CLTCL1: variants seen among roughly 807,000 people sequenced by gnomAD.
CLTCL1 encodes the protein clathrin heavy chain like 1.
Under a neutral mutation model 190.0 loss-of-function variants are expected in CLTCL1, and 159 were observed. The ratio of observed to expected loss-of-function variants is 0.84; its 90% CI spans 0.74 to 0.95. The LOEUF (loss-of-function observed/expected upper bound fraction) is 0.95, where lower values mean the gene tolerates loss of function less well. CLTCL1 is among the 40% of genes least tolerant of loss of function. CLTCL1 has a pLI of 0.00. For missense variants in CLTCL1, 1,878 were observed against 2,033.4 expected, an observed-to-expected ratio of 0.92 and a Z score of 1.47; for synonymous variants, 752 against 769.6, an observed-to-expected ratio of 0.98 and a Z score of 0.38.
At chr22:19,257,827 A>T (rs1186770185) in intron 2 of CLTCL1, 1 of 1,429,336 alleles carries the variant, frequency 7.0e-7, no homozygotes, top group African/African-American at 1.4e-5. Flanking sequence ...AGGAGCCTGG[A>T]GACTGAGAAT....
intron 3 of CLTCL1, among the ~76,000 whole-genome samples, chr22:19,245,955 C>T (rs116675219): frequency 0.011 from 1,662 of 152,316 alleles, 29 homozygotes; most frequent in African/African-American, 0.037. Flanking sequence ...ATAAAAAATG[C>T]TATTACGAAT....
At chr22:19,212,520 C>T (rs2085258161) in intron 19 of CLTCL1, among the ~76,000 whole-genome samples, 1 of 149,464 alleles carries the variant, frequency 6.7e-6, no homozygotes, top group African/African-American at 2.5e-5. Context: ...GTGTTCATGC[C>T]ACAGCACTCC....
chr22:19,289,015 G>A (rs1458866765), intron 1 of CLTCL1, among the ~76,000 whole-genome samples: 4 of 152,188 alleles, frequency 2.6e-5, no homozygotes, highest in Admixed American at 6.5e-5. Flanking sequence ...ACGGAGTCTC[G>A]GTCTGTTACC....
chr22:19,272,757 C>A (rs1287818002), intron 2 of CLTCL1, among the ~76,000 whole-genome samples: 4 of 152,294 alleles, frequency 2.6e-5, no homozygotes, highest in Admixed American at 2.6e-4. Context: ...CAGGCGTGAG[C>A]CACCACGCCC....
intron 29 of CLTCL1, chr22:19,184,488 C>G (rs1357494134): frequency 2.2e-6 from 1 of 456,064 alleles, no homozygotes; most frequent in East Asian, 6.9e-5. Context: ...AGAAGTCTCC[C>G]CCGCTGGCAT....
chr22:19,181,083 G>T, intron 30 of CLTCL1: 1 of 507,192 alleles, frequency 2.0e-6, no homozygotes, highest in Non-Finnish European at 3.6e-6. Context: ...AGTTGTTACA[G>T]GCTGTGCATG....
chr22:19,189,902 T>C (rs1207110587), intron 27 of CLTCL1, among the ~76,000 whole-genome samples: 1 of 152,188 alleles, frequency 6.6e-6, no homozygotes, highest in African/African-American at 2.4e-5. Flanking sequence ...TTTCTTTGTG[T>C]TGGGAACATT....
intron 26 of CLTCL1, among the ~76,000 whole-genome samples, chr22:19,193,651 GTGTC>G (rs1425651332): frequency 5.9e-5 from 9 of 152,258 alleles, no homozygotes; most frequent in African/African-American, 2.2e-4. Context: ...CAGGCGGATT[GTGTC>G]TGTAATTTAT....
chr22:19,251,272 G>C (rs2086582242), intron 3 of CLTCL1, among the ~76,000 whole-genome samples: 1 of 151,916 alleles, frequency 6.6e-6, no homozygotes, highest in Non-Finnish European at 1.5e-5. Flanking sequence ...TTTTTGGATT[G>C]TTCGTTGCAA....
At chr22:19,288,257 G>A (rs1300224202) in intron 1 of CLTCL1, among the ~76,000 whole-genome samples, 4 of 152,042 alleles carry the variant, frequency 2.6e-5, no homozygotes, top group African/African-American at 9.7e-5. Context: ...TGTTATTATT[G>A]TTCTGTTTTA....
chr22:19,192,496 G>A (rs2084545563), intron 26 of CLTCL1, among the ~76,000 whole-genome samples: 1 of 152,204 alleles, frequency 6.6e-6, no homozygotes, highest in Admixed American at 6.5e-5. Context: ...CTGCGTGAGT[G>A]TGGGGGTCCC....
intron 2 of CLTCL1, chr22:19,258,912 A>G: frequency 2.4e-6 from 1 of 419,636 alleles, no homozygotes; most frequent in Admixed American, 3.6e-5. Flanking sequence ...GAGAAAACAT[A>G]GGGGAAAAGC....
intron 17 of CLTCL1, 94 bp downstream of exon 17, chr22:19,221,283 C>T (rs995431630): frequency 2.2e-6 from 2 of 924,490 alleles, no homozygotes; most frequent in Non-Finnish European, 1.6e-6. Context: ...TCCAGGTGCA[C>T]AGAAAGCCCT....
intron 26 of CLTCL1, among the ~76,000 whole-genome samples, chr22:19,193,979 G>A (rs2084608403): frequency 6.6e-6 from 1 of 152,190 alleles, no homozygotes; most frequent in East Asian, 1.9e-4. Flanking sequence ...TGCACTGCTG[G>A]CTCGCATGGC....
In CLTCL1 at chr22:19,191,401, T is replaced by C; in HGVS notation, c.4226A>G (p.Gln1409Arg). Residue 1409 changes from glutamine (Q) to arginine (R), a missense_variant, in exon 27 of 33, where the codon CAG becomes CGG. Coordinates refer to ENST00000427926, the MANE Select transcript of CLTCL1 (RefSeq NM_007098.4). The part of the protein sequence containing the change: ...ANVELCYRAL[Q>R]FYLDYKPLLI... ...CAGTGGTTTGTAATCCAAATAGAAC[T>C]GCAGGGCTCTGTAACAGAGCTCGAC... 6.2e-7 allele frequency: 1 copy of C among 1,613,980 alleles called. No homozygotes were observed. The highest frequency in any genetic ancestry group is 8.5e-7 in the Non-Finnish European group (1 of 1,179,898).
In CLTCL1 at chr22:19,221,463, C is replaced by T. The variant is rs1256032809; in HGVS notation, c.2710G>A (p.Val904Met). 16 of 1,584,828 alleles carry T rather than the reference C, an allele frequency of 1.0e-5. No homozygotes were observed. The highest frequency in any genetic ancestry group is 3.5e-5 in the South Asian group (3 of 86,626). The change falls in exon 17 of 33, where the codon GTG becomes ATG. Residue 904 changes from valine to methionine, a missense_variant. Physicochemically the swap from Val to Met is conservative, Grantham distance 21 (BLOSUM62 1). Transcript: ENST00000427926. ...LRENAYYDSS[V>M]VGRYCEKRDP... is the part of the protein sequence containing the mutation. ...CGCTTCTCACAGTAGCGGCCCACCA[C>T]GCTGCTGTCATAGTAGGCATTCTCT...
intron 2 of CLTCL1, among the ~76,000 whole-genome samples, chr22:19,272,899 C>A (rs1043519435): frequency 2.0e-5 from 3 of 152,204 alleles, no homozygotes; most frequent in Non-Finnish European, 4.4e-5. Flanking sequence ...CAGCCTTGGC[C>A]TCCCAAAGCA....
chr22:19,274,110 G>A (rs1173146174), intron 2 of CLTCL1, among the ~76,000 whole-genome samples: 1 of 152,138 alleles, frequency 6.6e-6, no homozygotes, highest in Non-Finnish European at 1.5e-5. Flanking sequence ...GAGACCTGCT[G>A]AAAACACTAA....
intron 2 of CLTCL1, among the ~76,000 whole-genome samples, chr22:19,262,982 G>C (rs2087000319): frequency 6.9e-6 from 1 of 145,938 alleles, no homozygotes; most frequent in South Asian, 2.2e-4. Flanking sequence ...AGAGAGTTGA[G>C]ATAACGCCAC....
Sources: allele counts gnomAD v4.1 joint callset (sites outside exome capture counted in the v4.1 genomes callset), GRCh38; gene constraint gnomAD v4.1.1; transcripts MANE v1.5; gene names NCBI Gene and HGNC (gene_info 2026-07-23, HGNC 2026-07-21).